The following PIGN variants were observed in gnomAD, a reference collection of about 807,000 sequenced individuals.
PIGN encodes the protein GPI ethanolamine phosphate transferase 1.
A neutral mutation model predicts 125.4 loss-of-function variants in PIGN; 117 were observed. The ratio of observed to expected loss-of-function variants is 0.93; its 90% confidence interval spans 0.80 to 1.09. The LOEUF (loss-of-function observed/expected upper bound fraction) is 1.09. PIGN is among the 50% of genes least tolerant of loss of function. PIGN has a pLI of 0.00. For synonymous variants in PIGN, 392 were observed against 377.8 expected, an observed-to-expected ratio of 1.04 and a Z score of -0.44; for missense variants, 1,075 against 1,094.9, an observed-to-expected ratio of 0.98 and a Z score of 0.26.
intron 14 of PIGN, among the ~76,000 whole-genome samples, chr18:62,133,152 A>C (rs72941876): frequency 0.17 from 25,746 of 152,216 alleles, 2,932 homozygotes; most frequent in Middle Eastern, 0.29. Context: ...CTGTAGGCTA[A>C]TGTTAAGTGT....
At chr18:62,148,181 TAA>T in intron 8 of PIGN, 31 bp downstream of exon 8, 1 of 1,484,866 alleles carries the variant, frequency 6.7e-7, no homozygotes, top group Admixed American at 2.5e-5. Flanking sequence ...GCTGTTGCCC[TAA>T]AAAATACAAT....
chr18:62,095,159 C>T (rs893994149), intron 23 of PIGN, among the ~76,000 whole-genome samples: 1 of 152,158 alleles, frequency 6.6e-6, no homozygotes, highest in Non-Finnish European at 1.5e-5. Context: ...TGTTTATTCA[C>T]TGTTTGTTCT....
chr18:62,059,194 A>C (rs1031442096), intron 30 of PIGN: 3 of 146,540 alleles, frequency 2.0e-5, no homozygotes, highest in African/African-American at 8.2e-5. Flanking sequence ...AAAAAAAAAA[A>C]AAAACACTGG....
At chr18:62,122,692 C>T (rs1034125714) in intron 14 of PIGN, among the ~76,000 whole-genome samples, 16 of 152,166 alleles carry the variant, frequency 1.1e-4, no homozygotes, top group Non-Finnish European at 2.9e-5. Flanking sequence ...GTTACTCTTA[C>T]TTGTGAAAAG....
At chr18:62,156,742 T>C (rs1003058142) in intron 6 of PIGN, among the ~76,000 whole-genome samples, 1 of 152,208 alleles carries the variant, frequency 6.6e-6, no homozygotes, top group Non-Finnish European at 1.5e-5. Flanking sequence ...AAAAGTGCTA[T>C]GCTAAATATT....
chr18:62,086,435 G>A (rs2033705902), intron 25 of PIGN, among the ~76,000 whole-genome samples: 1 of 151,996 alleles, frequency 6.6e-6, no homozygotes, highest in Non-Finnish European at 1.5e-5. Flanking sequence ...TGGCCAACAT[G>A]GTGAAACCCC....
chr18:62,053,210 T>A (rs967515799), intron 30 of PIGN, among the ~76,000 whole-genome samples: 3 of 152,214 alleles, frequency 2.0e-5, no homozygotes, highest in Non-Finnish European at 4.4e-5. Context: ...AAGGTTTCCA[T>A]ATATTACTTA....
At chr18:62,137,234 T>C in intron 14 of PIGN, 1 of 403,546 alleles carries the variant, frequency 2.5e-6, no homozygotes, top group Non-Finnish European at 4.4e-6. Context: ...CTTCAGCTTT[T>C]AGACTCTTGG....
In PIGN at chr18:62,158,728, G is replaced by A. The variant is rs113149636; in HGVS notation, c.222-920C>T. Among the ~76,000 whole-genome samples the A allele has an allele frequency of 1.8e-3, 277 of 152,138 alleles. 3 individuals are homozygous for A. The highest frequency in any genetic ancestry group is 6.5e-3 in the African/African-American group (268 of 41,500). On this transcript the variant is annotated intron_variant, in intron 4 of 30. Transcript: ENST00000640252. ...TACTGGTGTCAGTTCTTTTACTATT[G>A]ACTTACCTAATAATAAAAGCAGTTT...
At chr18:62,145,647 A>G (rs1183620508) in intron 10 of PIGN, among the ~76,000 whole-genome samples, 2 of 152,232 alleles carry the variant, frequency 1.3e-5, no homozygotes, top group Non-Finnish European at 2.9e-5. Context: ...TTAATAAAAG[A>G]ACATCAAAAG....
rs373087509 is a variant in PIGN, at chr18:62,106,965, G to A, written c.1674+21C>T. 45 of 1,544,728 alleles carry A rather than the reference G, an allele frequency of 2.9e-5. No individual in the cohort carries two copies. The African/African-American group carries it at 3.6e-4, about 12-fold the overall frequency. ...TATATAAAAGAAATTTGCAAATGTTGTAATCTGGTAAGTTACTTACTAATA... is the reference window on the plus strand; with the variant it reads ...TATATAAAAGAAATTTGCAAATGTTATAATCTGGTAAGTTACTTACTAATA... On this transcript the variant is annotated intron_variant, in intron 18 of 30. Coordinates refer to ENST00000640252, the MANE Select transcript of PIGN (RefSeq NM_176787.5).
chr18:62,066,955 T>C (rs2032555041), intron 30 of PIGN, among the ~76,000 whole-genome samples: 2 of 152,218 alleles, frequency 1.3e-5, no homozygotes, highest in Non-Finnish European at 2.9e-5. Context: ...CCTTTCTAAT[T>C]AAACTTGAAA....
intron 23 of PIGN, among the ~76,000 whole-genome samples, chr18:62,030,032 G>A (rs187047068): frequency 7.5e-4 from 114 of 152,214 alleles, no homozygotes; most frequent in Admixed American, 8.5e-4. Flanking sequence ...ATTATTCTCC[G>A]GTCTCAGACT....
chr18:62,164,808 A>G (rs920428177), intron 1 of PIGN, among the ~76,000 whole-genome samples: 63 of 152,242 alleles, frequency 4.1e-4, no homozygotes, highest in African/African-American at 1.4e-3. Flanking sequence ...TAGTGGGTAA[A>G]GAAATGAATC....
chr18:62,167,188 GCTCTCTCTCTCT>G (rs148196927), intron 1 of PIGN, among the ~76,000 whole-genome samples: 1 of 147,708 alleles, frequency 6.8e-6, no homozygotes, highest in African/African-American at 2.5e-5. Context: ...GAGCAGGAGC[GCTCTCTCTCTCT>G]CTCTCTCTCT....
chr18:62,184,264 C>T (rs573285206), intron 1 of PIGN, among the ~76,000 whole-genome samples: 87 of 152,150 alleles, frequency 5.7e-4, no homozygotes, highest in African/African-American at 1.7e-3. Context: ...GATTGACGTG[C>T]TTTGAAAAAA....
At chr18:62,036,536 G>T (rs1302214240), downstream of PIGN, among the ~76,000 whole-genome samples, 3 of 152,116 alleles carry the variant, frequency 2.0e-5, no homozygotes, top group Non-Finnish European at 4.4e-5. Flanking sequence ...TTTTCCTCTG[G>T]ATATTTTAGT....
At chr18:62,073,642 G>A (rs540471914) in intron 29 of PIGN, among the ~76,000 whole-genome samples, 219 of 152,244 alleles carry the variant, frequency 1.4e-3, no homozygotes, top group African/African-American at 5.1e-3. Flanking sequence ...ATTATGTGTG[G>A]TCAGTTTCAG....
At chr18:62,168,652 T>C (rs2037239690) in intron 1 of PIGN, among the ~76,000 whole-genome samples, 1 of 152,200 alleles carries the variant, frequency 6.6e-6, no homozygotes, top group Non-Finnish European at 1.5e-5. Flanking sequence ...TAATATTTAA[T>C]CTACCATCCA....
Sources: allele counts gnomAD v4.1 joint callset (sites outside exome capture counted in the v4.1 genomes callset), GRCh38; gene constraint gnomAD v4.1.1; transcripts MANE v1.5; gene names NCBI Gene and HGNC (gene_info 2026-07-23, HGNC 2026-07-21).